The following MAGI1 variants were observed in gnomAD, a reference collection of about 807,000 sequenced individuals.
The protein encoded by MAGI1 is membrane-associated guanylate kinase, WW and PDZ domain-containing protein 1.
A neutral mutation model predicts 139.9 loss-of-function variants in MAGI1; 58 were observed. The observed-to-expected ratio is 0.41, with a 90% CI of 0.34 to 0.52. MAGI1 has a LOEUF of 0.52. Ranked by LOEUF, MAGI1 falls within the 20% of genes least tolerant of loss-of-function variation. The pLI, the probability that MAGI1 is intolerant of heterozygous loss-of-function variation, is 0.12. For synonymous variants in MAGI1, 812 were observed against 737.9 expected, an observed-to-expected ratio of 1.10 and a Z score of -1.63; for missense variants, 1,874 against 1,901.6, an observed-to-expected ratio of 0.99 and a Z score of 0.27.
At chr3:65,813,532 T>C (rs2041415232) in intron 1 of MAGI1, among the ~76,000 whole-genome samples, 2 of 152,120 alleles carry the variant, frequency 1.3e-5, no homozygotes, top group Non-Finnish European at 2.9e-5. Flanking sequence ...TACTACATAG[T>C]AATGGTGGGG....
At chr3:65,838,503 T>C (rs1030196452) in intron 1 of MAGI1, among the ~76,000 whole-genome samples, 1 of 152,224 alleles carries the variant, frequency 6.6e-6, no homozygotes, top group Non-Finnish European at 1.5e-5. Context: ...CCTTTAGAGA[T>C]TGTTTTTTCG....
intron 2 of MAGI1, among the ~76,000 whole-genome samples, chr3:65,609,593 GT>G (rs140815906): frequency 6.7e-6 from 1 of 149,846 alleles, no homozygotes; most frequent in Non-Finnish European, 1.5e-5. Context: ...TTTTGTTTTT[GT>G]TTTTTTTTGA....
At chr3:65,484,498 C>G (rs1007690609) in intron 3 of MAGI1, among the ~76,000 whole-genome samples, 1 of 152,126 alleles carries the variant, frequency 6.6e-6, no homozygotes, top group Non-Finnish European at 1.5e-5. Flanking sequence ...GTACAAAAAC[C>G]TTACTCTCTT....
intron 2 of MAGI1, among the ~76,000 whole-genome samples, chr3:65,564,734 C>T (rs2080530915): frequency 6.6e-6 from 1 of 152,206 alleles, no homozygotes; most frequent in South Asian, 2.1e-4. Flanking sequence ...CTCTAACCTG[C>T]AGCTAGGGTC....
intron 13 of MAGI1, among the ~76,000 whole-genome samples, chr3:65,398,940 T>TA (rs528313143): frequency 3.3e-5 from 5 of 150,846 alleles, no homozygotes; most frequent in South Asian, 4.2e-4. Context: ...AGAAACAAGA[T>TA]AAAAAAAGAT....
At chr3:65,771,050 T>C (rs1401046900) in intron 1 of MAGI1, among the ~76,000 whole-genome samples, 3 of 151,854 alleles carry the variant, frequency 2.0e-5, no homozygotes, top group Non-Finnish European at 4.4e-5. Context: ...ATTACACCTG[T>C]AATCCCAGCG....
intron 9 of MAGI1, among the ~76,000 whole-genome samples, chr3:65,438,024 T>C (rs980118247): frequency 5.3e-5 from 8 of 152,190 alleles, no homozygotes; most frequent in Non-Finnish European, 8.8e-5. Context: ...GCAGTCCCAC[T>C]ACTGGGTATC....
chr3:65,849,492 AATATACATATAT>A (rs2059132486), intron 1 of MAGI1, among the ~76,000 whole-genome samples: 3 of 124,558 alleles, frequency 2.4e-5, no homozygotes, highest in African/African-American at 1.1e-4. Context: ...TATATCATCA[AATATACATATAT>A]ATATATCATC....
At chr3:65,686,462 T>C (rs957529533) in intron 1 of MAGI1, among the ~76,000 whole-genome samples, 2 of 152,134 alleles carry the variant, frequency 1.3e-5, no homozygotes, top group Non-Finnish European at 2.9e-5. Context: ...CAGCTAATTT[T>C]TTTTATTTTT....
At chr3:65,441,572 T>C (rs899222314) in intron 8 of MAGI1, among the ~76,000 whole-genome samples, 1 of 152,214 alleles carries the variant, frequency 6.6e-6, no homozygotes, top group Admixed American at 6.5e-5. Context: ...TAAAAGCTTT[T>C]GTCATCTGTT....
intron 1 of MAGI1, among the ~76,000 whole-genome samples, chr3:65,865,967 T>C (rs1181339875): frequency 2.0e-5 from 3 of 152,148 alleles, no homozygotes; most frequent in Non-Finnish European, 4.4e-5. Flanking sequence ...AAAACCACAA[T>C]GGCAGCAGCT....
chr3:65,944,236 C>G (rs2063452159), intron 1 of MAGI1, among the ~76,000 whole-genome samples: 1 of 152,148 alleles, frequency 6.6e-6, no homozygotes, highest in Non-Finnish European at 1.5e-5. Context: ...AAGTGCTCAG[C>G]TAGGTGCAAT....
intron 1 of MAGI1, among the ~76,000 whole-genome samples, chr3:65,982,916 TTTTTA>T (rs1358119170): frequency 6.6e-6 from 1 of 152,068 alleles, no homozygotes; most frequent in African/African-American, 2.4e-5. Context: ...GGAAAATGAT[TTTTTA>T]TTTTTTTATT....
chr3:65,466,274 A>T (rs1950168107), intron 5 of MAGI1, among the ~76,000 whole-genome samples: 1 of 152,128 alleles, frequency 6.6e-6, no homozygotes, highest in African/African-American at 2.4e-5. Context: ...TCATTTTGAT[A>T]TCTTCCTGAT....
intron 1 of MAGI1, among the ~76,000 whole-genome samples, chr3:65,895,283 G>A (rs2060923943): frequency 6.6e-6 from 1 of 152,198 alleles, no homozygotes; most frequent in South Asian, 2.1e-4. Flanking sequence ...AACACACAGA[G>A]TCCCCCATTC....
intron 1 of MAGI1, among the ~76,000 whole-genome samples, chr3:65,769,863 G>A (rs1333732436): frequency 6.6e-6 from 1 of 152,148 alleles, no homozygotes; most frequent in African/African-American, 2.4e-5. Context: ...GCTTTCCTTT[G>A]TTGCATCACT....
At chr3:65,606,770 AG>A (rs1483563161) in intron 2 of MAGI1, among the ~76,000 whole-genome samples, 5 of 152,084 alleles carry the variant, frequency 3.3e-5, no homozygotes, top group Non-Finnish European at 5.9e-5. Flanking sequence ...CACCCGCCTC[AG>A]CCTCCCAAAG....
chr3:65,860,491 G>A (rs1052405655), intron 1 of MAGI1, among the ~76,000 whole-genome samples: 13 of 152,334 alleles, frequency 8.5e-5, no homozygotes, highest in African/African-American at 2.6e-4. Context: ...AGAAGCCACC[G>A]ATCCGGGCAG....
chr3:65,662,988 G>A (rs1438359508), intron 1 of MAGI1, among the ~76,000 whole-genome samples: 5 of 152,134 alleles, frequency 3.3e-5, no homozygotes, highest in African/African-American at 1.2e-4. Context: ...TGGTAGACCA[G>A]AGACGGGTGC....
Sources: allele counts gnomAD v4.1 joint callset (sites outside exome capture counted in the v4.1 genomes callset), GRCh38; gene constraint gnomAD v4.1.1; transcripts MANE v1.5; gene names NCBI Gene and HGNC (gene_info 2026-07-23, HGNC 2026-07-21).